The following SH2D1B variants were observed in gnomAD, a reference collection of about 807,000 sequenced individuals.
The protein encoded by SH2D1B is SH2 domain containing 1B.
In SH2D1B, 11 loss-of-function variants were observed where a neutral mutation model predicts 16.3. That is an observed-to-expected ratio of 0.67 (90% confidence interval 0.42 to 1.11). The LOEUF is 1.11. Ranked by LOEUF, SH2D1B falls within the 50% of genes most tolerant of loss-of-function variation. The pLI is 0.00. For missense variants in SH2D1B, 123 were observed against 153.1 expected (o/e 0.80, Z 1.04); for synonymous variants, 55 against 56.1 (o/e 0.98, Z 0.09).
At chr1:162,405,215 C>G (rs1259374137) in intron 1 of SH2D1B, among the ~76,000 whole-genome samples, 5 of 152,154 alleles carry the variant, frequency 3.3e-5, no homozygotes, top group Admixed American at 6.5e-5. Context: ...TGGAAAAATA[C>G]ACATTAATCT....
intron 1 of SH2D1B, among the ~76,000 whole-genome samples, chr1:162,411,247 T>C (rs982356173): frequency 4.6e-5 from 7 of 152,180 alleles, no homozygotes; most frequent in Non-Finnish European, 1.0e-4. Flanking sequence ...TGAGCCACCA[T>C]GCCCAGCCTG....
chr1:162,397,176 T>C lies in SH2D1B; in HGVS notation c.*104A>G. On this transcript the variant is annotated 3_prime_UTR_variant, in exon 4 of 4. Transcript: ENST00000367929. Reference sequence around the variant, plus strand: ...AGTTACACAACCAGGAGAGTCTGAATTGTCCACTAGAGTTTGGTGCTCTGG... The same window carrying C: ...AGTTACACAACCAGGAGAGTCTGAACTGTCCACTAGAGTTTGGTGCTCTGG... 1 of 1,254,034 alleles carries C rather than the reference T, an allele frequency of 8.0e-7. No homozygotes were observed. The highest frequency in any genetic ancestry group is 1.2e-6 in the Non-Finnish European group (1 of 860,470). 77.7% of individuals were successfully genotyped at this position (1,254,034 alleles called of 1,614,324 possible).
At chr1:162,410,656 C>CTTTTT (rs66614229) in intron 1 of SH2D1B, among the ~76,000 whole-genome samples, 1 of 129,972 alleles carries the variant, frequency 7.7e-6, no homozygotes, top group Non-Finnish European at 1.6e-5. Context: ...TTTTCTTTTT[C>CTTTTT]TTTTTTTTTT....
intron 1 of SH2D1B, among the ~76,000 whole-genome samples, chr1:162,405,391 T>A (rs1648630022): frequency 6.6e-6 from 1 of 152,214 alleles, no homozygotes; most frequent in Admixed American, 6.5e-5. Context: ...TCAAAATCCA[T>A]CAAATTGTAC....
At chr1:162,402,913 C>CTTT in intron 1 of SH2D1B, 111 bp from the exon 2 acceptor site, 11 of 674,888 alleles carry the variant, frequency 1.6e-5, no homozygotes, top group Admixed American at 2.9e-5. Context: ...TAAAAAAACT[C>CTTT]TTTTTTTTTT....
At chr1:162,398,770 T>C (rs1016623238) in intron 3 of SH2D1B, among the ~76,000 whole-genome samples, 153 bp downstream of exon 3, 1 of 152,222 alleles carries the variant, frequency 6.6e-6, no homozygotes, top group African/African-American at 2.4e-5. Flanking sequence ...AAGACAGCAC[T>C]TCTCAACAAA....
rs1648402138 is a variant in SH2D1B, at chr1:162,397,307, G to A, written c.372C>T (p.Asn124=). 1.9e-6 allele frequency: 3 copies of A among 1,613,548 alleles called. No homozygotes were observed. Among genetic ancestry groups the A allele is most frequent in the Admixed American group, 3.3e-5 (2 of 59,982 alleles). ...KLELETFVNS[N]SDYVDVLP ...AAGGCAAGACATCCACATAATCGCT[G>A]TTACTGTTCTTTGGAGGGAAAAAAA... The change falls in exon 4 of 4, where the codon AAC becomes AAT. Residue 124 remains asparagine (N), a synonymous_variant. Coordinates refer to ENST00000367929, the MANE Select transcript of SH2D1B (RefSeq NM_053282.5).
chr1:162,402,925 C>T (rs3122549), intron 1 of SH2D1B, 123 bp from the exon 2 acceptor site: 129,655 of 677,140 alleles, frequency 0.19, 10,397 homozygotes, highest in Middle Eastern at 0.33. Flanking sequence ...TTTTTTTTTT[C>T]TGGGACGGAA....
intron 1 of SH2D1B, 86 bp downstream of exon 1, chr1:162,411,797 T>C: frequency 6.4e-7 from 1 of 1,561,320 alleles, no homozygotes; most frequent in Non-Finnish European, 8.8e-7. Context: ...AGTGAAATAC[T>C]GAGGGATATG....
intron 3 of SH2D1B, among the ~76,000 whole-genome samples, chr1:162,397,516 T>G (rs945335475): frequency 7.2e-5 from 11 of 152,322 alleles, no homozygotes; most frequent in Middle Eastern, 6.8e-3. Context: ...AAGCCAAGCC[T>G]CAGACCTTCC....
chr1:162,397,222 G>T lies in SH2D1B; in HGVS notation c.*58C>A. The stretch of plus-strand genomic sequence containing the variant: ...TCTGGACCTATGCCTGCAGAAGTGG[G>T]TCATCAGTGAGAACTGTTACTCATC... On this transcript the variant is annotated 3_prime_UTR_variant, in exon 4 of 4. Transcript: ENST00000367929. The T allele has an allele frequency of 6.3e-7, 1 of 1,589,582 alleles. No homozygotes were observed. Among genetic ancestry groups the T allele is most frequent in the Non-Finnish European group, 8.6e-7 (1 of 1,158,194 alleles).
At chr1:162,403,514 ATAT>A (rs1557911116) in intron 1 of SH2D1B, among the ~76,000 whole-genome samples, 293 of 22,676 alleles carry the variant, frequency 0.013, 7 homozygotes, top group Non-Finnish European at 0.017. Context: ...AAAAAAAAAT[ATAT>A]ATATATATAT....
chr1:162,400,286 CT>C (rs1241054289), intron 2 of SH2D1B, among the ~76,000 whole-genome samples: 1,556 of 83,244 alleles, frequency 0.019, 4 homozygotes, highest in African/African-American at 0.05. Context: ...ACACCACGTA[CT>C]TTTTTTTTTT....
chr1:162,406,562 T>C (rs1350619220), intron 1 of SH2D1B, among the ~76,000 whole-genome samples: 2 of 152,230 alleles, frequency 1.3e-5, no homozygotes, highest in East Asian at 3.9e-4. Flanking sequence ...GTGGTGAGAC[T>C]GATATAGTTT....
chr1:162,412,124 T>C lies in SH2D1B; in HGVS notation c.-108A>G. Reference sequence around the variant, plus strand: ...TAAGCAGCTGTACCTCCTGTGGAGCTACCTCTTCCTCTAGCGGTCTGTGGG... The same window carrying C: ...TAAGCAGCTGTACCTCCTGTGGAGCCACCTCTTCCTCTAGCGGTCTGTGGG... On this transcript the variant is annotated 5_prime_UTR_variant, in exon 1 of 4. Transcript: ENST00000367929. 1 of 1,418,694 alleles carries C rather than the reference T, an allele frequency of 7.0e-7. No homozygotes were observed. The highest frequency in any genetic ancestry group is 2.3e-5 in the East Asian group (1 of 43,424). 87.9% of individuals were successfully genotyped at this position (1,418,694 alleles called of 1,614,324 possible).
chr1:162,400,877 C>T (rs968800511), intron 2 of SH2D1B, among the ~76,000 whole-genome samples: 3 of 151,962 alleles, frequency 2.0e-5, no homozygotes, highest in Admixed American at 6.6e-5. Context: ...TGAACCAGGA[C>T]GCGGAAGTTG....
rs1173396128 is a variant in SH2D1B, at chr1:162,412,107, T to C, written c.-91A>G. On this transcript the variant is annotated 5_prime_UTR_variant, in exon 1 of 4. Transcript: ENST00000367929. ...CTCTGAGGAGAGATGTGTAAGCAGCTGTACCTCCTGTGGAGCTACCTCTTC... is the reference window on the plus strand; with the variant it reads ...CTCTGAGGAGAGATGTGTAAGCAGCCGTACCTCCTGTGGAGCTACCTCTTC... 1 of 1,540,580 alleles carries C rather than the reference T, an allele frequency of 6.5e-7. No homozygotes were observed. The highest frequency in any genetic ancestry group is 2.3e-5 in the East Asian group (1 of 44,152).
chr1:162,410,606 C>T (rs977814051), intron 1 of SH2D1B, among the ~76,000 whole-genome samples: 2 of 151,626 alleles, frequency 1.3e-5, no homozygotes, highest in Non-Finnish European at 2.9e-5. Flanking sequence ...AAACAAGTTC[C>T]TTCAGCTAGG....
Position 162,412,103 on chromosome 1 carries a change from C to G in SH2D1B, c.-87G>C. On this transcript the variant is annotated 5_prime_UTR_variant, in exon 1 of 4. Transcript: ENST00000367929. ...ACAGCTCTGAGGAGAGATGTGTAAG[C>G]AGCTGTACCTCCTGTGGAGCTACCT... 1 of 1,554,428 alleles carries G rather than the reference C, an allele frequency of 6.4e-7. No homozygotes were observed. Among genetic ancestry groups the G allele is most frequent in the South Asian group, 1.1e-5 (1 of 88,324 alleles).
Sources: gnomAD v4.1 joint callset for allele counts (sites outside exome capture counted in the v4.1 genomes callset) on GRCh38, gnomAD v4.1.1 for gene constraint, MANE v1.5 for transcripts, NCBI Gene and HGNC (gene_info 2026-07-23, HGNC 2026-07-21) for gene names.